Variants in RAPGEF5 observed in about 807,000 individuals in gnomAD.
RAPGEF5 encodes M-Ras-regulated GEF.
Under a neutral mutation model 125.2 loss-of-function variants are expected in RAPGEF5, and 65 were observed. The ratio of observed to expected loss-of-function variants is 0.52; its 90% CI spans 0.43 to 0.64. The LOEUF (loss-of-function observed/expected upper bound fraction) is 0.64, where lower values mean the gene tolerates loss of function less well. Among genes scored for constraint, RAPGEF5 ranks in the 30% least tolerant of loss-of-function variants. The pLI, the probability that RAPGEF5 is intolerant of heterozygous loss-of-function variation, is 0.00. For synonymous variants in RAPGEF5, 391 were observed against 385.9 expected (o/e 1.01, Z -0.16); for missense variants, 958 against 1,048.1 (o/e 0.91, Z 1.19).
At chr7:22,279,928 T>C (rs1782637302) in intron 6 of RAPGEF5, among the ~76,000 whole-genome samples, 2 of 152,164 alleles carry the variant, frequency 1.3e-5, no homozygotes, top group Admixed American at 1.3e-4. Context: ...TGTGTTGGGA[T>C]GGCCTCCATT....
intron 8 of RAPGEF5, among the ~76,000 whole-genome samples, chr7:22,223,455 T>C (rs1785841719): frequency 6.6e-6 from 1 of 152,192 alleles, no homozygotes; most frequent in Admixed American, 6.5e-5. Flanking sequence ...CCAAAGAGGT[T>C]TGTGACAAGA....
At position 22,356,816 on chromosome 7, in the gene RAPGEF5, G is replaced by A; in HGVS notation, c.231+14C>T. 8.6e-7 allele frequency: 1 copy of A among 1,157,670 alleles called. No homozygotes were observed. The highest frequency in any genetic ancestry group is 1.1e-6 in the Non-Finnish European group (1 of 938,968). The allele number at this position is 1,157,670 out of a possible 1,614,324, so 71.7% of individuals were successfully genotyped here. On this transcript the variant is annotated intron_variant, in intron 1 of 25. Coordinates refer to ENST00000665637, the MANE Select transcript of RAPGEF5 (RefSeq NM_012294.5). ...CGCCGCCCGTGCCCACTCGGACAGG[G>A]CCGGGCCACTCACCCGGCCCCCAGC...
chr7:22,302,642 T>C (rs1783237014), intron 5 of RAPGEF5, among the ~76,000 whole-genome samples: 1 of 152,180 alleles, frequency 6.6e-6, no homozygotes, highest in African/African-American at 2.4e-5. Context: ...ACCCAGAGGC[T>C]ACCTTGAGAA....
At chr7:22,173,318 A>G (rs901692304) in intron 11 of RAPGEF5, among the ~76,000 whole-genome samples, 5 of 152,218 alleles carry the variant, frequency 3.3e-5, no homozygotes, top group Non-Finnish European at 7.3e-5. Context: ...CATTTCTGAA[A>G]GTGATATTAA....
rs76824277 is a variant in RAPGEF5, at chr7:22,344,572, C to T, written c.231+12258G>A. Among the ~76,000 whole-genome samples the T allele has an allele frequency of 2.0e-4, 31 of 152,256 alleles. No individual in the cohort carries two copies. The East Asian group carries it at 5.4e-3, about 27-fold the overall frequency. On this transcript the variant is annotated intron_variant, in intron 1 of 25. Transcript: ENST00000665637. ...GAATAGATACTGCTGGCCTCTTGCT[C>T]CTCCTGACCTACCACTGACTGAACC... is the stretch of plus-strand genomic sequence containing the variant.
chr7:22,331,603 G>A lies in RAPGEF5; in HGVS notation c.232-13566C>T, dbSNP rs146660373. 5.3e-5 allele frequency among the ~76,000 whole-genome samples: 8 copies of A among 152,248 alleles called. 1 individual carries two copies. The highest frequency in any genetic ancestry group is 5.2e-4 in the Admixed American group (8 of 15,288). ...TACTAAAAATACAAAAAATCAGCCA[G>A]GCGTGGTGGTGGGCGCCCGTAGTCC... On this transcript the variant is annotated intron_variant, in intron 1 of 25. Coordinates refer to ENST00000665637, the MANE Select transcript of RAPGEF5 (RefSeq NM_012294.5).
At chr7:22,313,089 A>T (rs1798805) in intron 3 of RAPGEF5, among the ~76,000 whole-genome samples, 81,619 of 152,020 alleles carry the variant, frequency 0.54, 22,368 homozygotes, top group East Asian at 0.86. Flanking sequence ...GGTAGGAATA[A>T]TGTGATATGG....
chr7:22,244,367 A>G (rs1191881021), intron 7 of RAPGEF5, among the ~76,000 whole-genome samples: 1 of 152,152 alleles, frequency 6.6e-6, no homozygotes, highest in African/African-American at 2.4e-5. Context: ...ACCAGGCCAC[A>G]CAGCAGGAGG....
intron 11 of RAPGEF5, among the ~76,000 whole-genome samples, chr7:22,178,271 G>A (rs1784570733): frequency 6.6e-6 from 1 of 152,090 alleles, no homozygotes; most frequent in African/African-American, 2.4e-5. Context: ...CTCCTTTCTA[G>A]ATGAATTCTC....
chr7:22,356,695 A>T, intron 1 of RAPGEF5, 135 bp downstream of exon 1: 1 of 387,066 alleles, frequency 2.6e-6, no homozygotes, highest in Non-Finnish European at 3.7e-6. Flanking sequence ...GCCCCTCTTC[A>T]GCCGAGTCCG....
intron 7 of RAPGEF5, among the ~76,000 whole-genome samples, chr7:22,258,170 A>G (rs1178306069): frequency 6.6e-6 from 1 of 152,278 alleles, no homozygotes; most frequent in African/African-American, 2.4e-5. Context: ...ATGTAGATAC[A>G]GATAAACTGA....
At chr7:22,129,464 G>C (rs1782848525) in intron 24 of RAPGEF5, among the ~76,000 whole-genome samples, 1 of 152,106 alleles carries the variant, frequency 6.6e-6, no homozygotes, top group African/African-American at 2.4e-5. Context: ...AGGAAGCGAA[G>C]TAAATATTGA....
chr7:22,137,384 T>C (rs753714485), intron 21 of RAPGEF5, among the ~76,000 whole-genome samples: 6 of 152,224 alleles, frequency 3.9e-5, no homozygotes, highest in Non-Finnish European at 7.3e-5. Context: ...GAAATTTTAT[T>C]TCACAGCATT....
chr7:22,275,015 T>C (rs183427033), intron 6 of RAPGEF5, among the ~76,000 whole-genome samples: 1 of 152,306 alleles, frequency 6.6e-6, no homozygotes, highest in African/African-American at 2.4e-5. Flanking sequence ...TATTAAAATA[T>C]GGCATTTGCT....
At chr7:22,314,455 C>T (rs1253486814) in intron 3 of RAPGEF5, 1 of 296,360 alleles carries the variant, frequency 3.4e-6, no homozygotes. Context: ...AAACCCAAGC[C>T]ATGATAAAAT....
intron 19 of RAPGEF5, 46 bp downstream of exon 19, chr7:22,146,849 TCA>T (rs1468986874): frequency 1.3e-6 from 2 of 1,577,816 alleles, no homozygotes; most frequent in Non-Finnish European, 8.6e-7. Flanking sequence ...CACAAAGAAT[TCA>T]CAGTTAAAAC....
chr7:22,120,590 C>T lies in RAPGEF5; in HGVS notation c.*1816G>A, dbSNP rs761773414. ...TGAGGAGGGCTTTGGAGGGTTTGCT[C>T]AGCCCAGCCGTGAGGGAAGTCTGCT... On this transcript the variant is annotated 3_prime_UTR_variant, in exon 26 of 26. Transcript: ENST00000665637. The surrounding 1 kb of genome is among the most constrained non-coding windows in gnomAD (Gnocchi z 4.0). 1.3e-5 allele frequency: 2 copies of T among 152,662 alleles called. No individual in the cohort carries two copies. The highest frequency in any genetic ancestry group is 2.4e-5 in the African/African-American group (1 of 41,448). The allele number at this position is 152,662 out of a possible 1,614,324, so 9.5% of individuals were successfully genotyped here. A position where few individuals can be genotyped will look rare whatever the true frequency, so the allele number is the denominator to read the frequency against.
At chr7:22,160,919 G>A (rs760020151) in intron 13 of RAPGEF5, among the ~76,000 whole-genome samples, 4 of 152,070 alleles carry the variant, frequency 2.6e-5, no homozygotes, top group Admixed American at 6.6e-5. Flanking sequence ...ATAATAGGCC[G>A]GGCATGGTGG....
intron 1 of RAPGEF5, among the ~76,000 whole-genome samples, chr7:22,342,097 TA>T (rs1262827499): frequency 6.6e-6 from 1 of 152,228 alleles, no homozygotes; most frequent in African/African-American, 2.4e-5. Flanking sequence ...ATACATCTTC[TA>T]AAATCTAGGC....
Sources: gnomAD v4.1 joint callset for allele counts (sites outside exome capture counted in the v4.1 genomes callset) on GRCh38, gnomAD v4.1.1 for gene constraint, Gnocchi (gnomAD v3.1) non-coding constraint, MANE v1.5 for transcripts, NCBI Gene and HGNC (gene_info 2026-07-23, HGNC 2026-07-21) for gene names.